Variants in PDE1C observed in about 807,000 individuals in gnomAD.
The protein encoded by PDE1C is phosphodiesterase 1C.
PDE1C carries 62 observed loss-of-function variants against 93.1 expected under a neutral mutation model. The ratio of observed to expected loss-of-function variants is 0.67; its 90% CI spans 0.54 to 0.82. The LOEUF (loss-of-function observed/expected upper bound fraction) is 0.82, where lower values mean the gene tolerates loss of function less well. Ranked by LOEUF, PDE1C falls within the 40% of genes least tolerant of loss-of-function variation. PDE1C has a pLI of 0.00. For synonymous variants in PDE1C, 325 were observed against 310.1 expected (o/e 1.05, Z -0.50); for missense variants, 742 against 884.6 (o/e 0.84, Z 2.04).
At chr7:32,348,523 C>T (rs1035093159) in intron 1 of PDE1C, among the ~76,000 whole-genome samples, 1 of 151,930 alleles carries the variant, frequency 6.6e-6, no homozygotes, top group African/African-American at 2.4e-5. Context: ...TGCCACCATG[C>T]CTGGCTAATT....
rs534095094 is a variant in PDE1C at position 31,860,502 on chromosome 7, C to T, written c.750+4440G>A. Among the ~76,000 whole-genome samples the T allele has an allele frequency of 2.6e-5, 4 of 152,232 alleles. 1 individual carries two copies. In the South Asian group the frequency reaches 8.3e-4, roughly 32 times the overall value. On this transcript the variant is annotated intron_variant, in intron 7 of 17. Coordinates refer to ENST00000396191, the MANE Select transcript of PDE1C (RefSeq NM_001191057.4). ...TATCCTTAGATACTAATGAATGGTG[C>T]ATCTTTTCATATTTCTTTTATTGAT...
chr7:32,405,944 C>T (rs182497), intron 1 of PDE1C, among the ~76,000 whole-genome samples: 5 of 152,080 alleles, frequency 3.3e-5, no homozygotes, highest in African/African-American at 9.7e-5. Context: ...CCATCCCTCA[C>T]GCATTAGAGC....
chr7:32,091,761 G>A (rs1797480444), intron 3 of PDE1C, among the ~76,000 whole-genome samples: 1 of 152,204 alleles, frequency 6.6e-6, no homozygotes, highest in Non-Finnish European at 1.5e-5. Flanking sequence ...AGTGAAATGA[G>A]GACTCATTGC....
intron 2 of PDE1C, among the ~76,000 whole-genome samples, chr7:31,989,471 C>T (rs189191430): frequency 1.3e-5 from 2 of 152,284 alleles, no homozygotes; most frequent in Admixed American, 1.3e-4. Context: ...TATTATATAT[C>T]TACATACACA....
intron 2 of PDE1C, among the ~76,000 whole-genome samples, chr7:31,964,892 G>A (rs965574638): frequency 2.6e-5 from 4 of 152,168 alleles, no homozygotes; most frequent in Non-Finnish European, 4.4e-5. Flanking sequence ...CTACAGCTGA[G>A]GGTCCTGACT....
At chr7:31,687,756 G>A in the PDE1C span, among the ~76,000 whole-genome samples, 1 of 152,086 alleles carries the variant, frequency 6.6e-6, no homozygotes, top group Non-Finnish European at 1.5e-5. Context: ...CAATCCTCTG[G>A]TTAAAAAGAG....
chr7:31,789,648 G>A (rs1784366568), intron 16 of PDE1C: 1 of 972,426 alleles, frequency 1.0e-6, no homozygotes, highest in Non-Finnish European at 1.2e-6. Context: ...TACAGAAGTG[G>A]GAAAAAAAGC....
At chr7:31,823,366 G>A in intron 13 of PDE1C, 118 bp from the exon 14 acceptor site, 1 of 696,968 alleles carries the variant, frequency 1.4e-6, no homozygotes, top group Non-Finnish European at 2.3e-6. Flanking sequence ...TGAAATATCT[G>A]GATCCTGAGG....
chr7:32,341,173 C>CTATTTTTTATTTTTTTTA (rs796122014), intron 1 of PDE1C, among the ~76,000 whole-genome samples: 33 of 84,960 alleles, frequency 3.9e-4, no homozygotes, highest in Admixed American at 2.4e-3. Flanking sequence ...GAAATAAAGT[C>CTATTTTTTATTTTTTTTA]TTTTTTTTTT....
chr7:31,681,382 TGG>T, the PDE1C span, among the ~76,000 whole-genome samples: 1 of 143,042 alleles, frequency 7.0e-6, no homozygotes, highest in African/African-American at 2.9e-5. Flanking sequence ...GATGGATGGA[TGG>T]ATGGATGGAT....
chr7:32,266,495 G>A (rs986740123), intron 1 of PDE1C, among the ~76,000 whole-genome samples: 9 of 148,624 alleles, frequency 6.1e-5, no homozygotes, highest in South Asian at 2.1e-4. Flanking sequence ...GTGAGACTCC[G>A]TCAAAAAAAA....
the PDE1C span, among the ~76,000 whole-genome samples, chr7:31,741,948 T>C: frequency 6.6e-6 from 1 of 152,238 alleles, no homozygotes; most frequent in Non-Finnish European, 1.5e-5. Flanking sequence ...TCACATTGTT[T>C]GCTAGCTATT....
At chr7:31,971,483 G>A (rs1014218659) in intron 2 of PDE1C, among the ~76,000 whole-genome samples, 1 of 152,282 alleles carries the variant, frequency 6.6e-6, no homozygotes, top group South Asian at 2.1e-4. Flanking sequence ...CGCTAGGGAT[G>A]ATGCATATAA....
At chr7:32,327,635 C>T (rs1223443443) in intron 1 of PDE1C, among the ~76,000 whole-genome samples, 16 of 152,046 alleles carry the variant, frequency 1.1e-4, no homozygotes, top group Admixed American at 5.2e-4. Flanking sequence ...GGCATGGTGG[C>T]GGCGCATGCC....
At chr7:32,002,842 G>A (rs904688032) in intron 2 of PDE1C, among the ~76,000 whole-genome samples, 7 of 152,172 alleles carry the variant, frequency 4.6e-5, no homozygotes, top group African/African-American at 1.4e-4. Flanking sequence ...ATATGTGTTT[G>A]TTTAAAATGT....
intron 1 of PDE1C, among the ~76,000 whole-genome samples, chr7:32,298,492 C>G (rs1471507324): frequency 1.3e-5 from 2 of 152,114 alleles, no homozygotes; most frequent in Non-Finnish European, 2.9e-5. Context: ...GCTTCTGTCC[C>G]GACCCAGTCG....
At chr7:31,864,735 A>G (rs1795079278) in intron 7 of PDE1C, among the ~76,000 whole-genome samples, 1 of 152,230 alleles carries the variant, frequency 6.6e-6, no homozygotes, top group African/African-American at 2.4e-5. Flanking sequence ...CTAGGTATTT[A>G]TCTCATCAGG....
At position 32,271,121 on chromosome 7, in the gene PDE1C, G is replaced by A. The variant is rs150544581; in HGVS notation, c.85+27530C>T. 5.5e-3 allele frequency among the ~76,000 whole-genome samples: 838 copies of A among 152,314 alleles called. 7 individuals are homozygous for A. Among genetic ancestry groups the A allele is most frequent in the African/African-American group, 0.019 (797 of 41,570 alleles). On this transcript the variant is annotated intron_variant, in intron 1 of 18. Transcript: ENST00000396193. Reference sequence around the variant, plus strand: ...CCATTGCACTCCAGCCTGGGTGACAGAGCGAGACTCTATCTCAAAACGACA... The same window carrying A: ...CCATTGCACTCCAGCCTGGGTGACAAAGCGAGACTCTATCTCAAAACGACA...
intron 9 of PDE1C, among the ~76,000 whole-genome samples, chr7:31,838,339 G>A (rs973615952): frequency 6.6e-6 from 1 of 152,204 alleles, no homozygotes; most frequent in African/African-American, 2.4e-5. Flanking sequence ...ATTTCACATT[G>A]GATACAGGTA....
Sources: gnomAD v4.1 joint callset for allele counts (sites outside exome capture counted in the v4.1 genomes callset) on GRCh38, gnomAD v4.1.1 for gene constraint, MANE v1.5 for transcripts, NCBI Gene and HGNC (gene_info 2026-07-23, HGNC 2026-07-21) for gene names.